SIGLEC8: variants seen among roughly 807,000 people sequenced by gnomAD.
SIGLEC8 encodes the protein sialic acid-binding Ig-like lectin 8.
A neutral mutation model predicts 42.1 loss-of-function variants in SIGLEC8; 32 were observed. The observed-to-expected ratio is 0.76, with a 90% CI of 0.57 to 1.02. The LOEUF is 1.02. SIGLEC8 is among the 50% of genes least tolerant of loss of function. SIGLEC8 has a pLI of 0.00. For missense variants in SIGLEC8, 611 were observed against 610.2 expected, an observed-to-expected ratio of 1.00 and a Z score of -0.01; for synonymous variants, 262 against 260.3, an observed-to-expected ratio of 1.01 and a Z score of -0.06.
chr19:51,453,974 G>T, intron 6 of SIGLEC8: 3 of 985,298 alleles, frequency 3.0e-6, no homozygotes, highest in Non-Finnish European at 3.6e-6. Context: ...GTGAATCGGG[G>T]CTATAGAGAA....
At chr19:51,455,372 G>C in intron 4 of SIGLEC8, 46 bp downstream of exon 4, 1 of 1,602,250 alleles carries the variant, frequency 6.2e-7, no homozygotes, top group Non-Finnish European at 8.5e-7. Context: ...TGGTCCATGA[G>C]GGTGGGGCAG....
chr19:51,456,381 T>C (rs1486248479), intron 3 of SIGLEC8, among the ~76,000 whole-genome samples: 2 of 152,196 alleles, frequency 1.3e-5, no homozygotes, highest in African/African-American at 4.8e-5. Context: ...CTTGTCCACT[T>C]TTAATTGAGA....
Position 51,452,571 on chromosome 19 carries a change from G to A in SIGLEC8, c.1308C>T (p.Ala436=), listed in dbSNP as rs771564367. Residue 436 remains alanine, a synonymous_variant, in exon 7 of 7, where the codon GCC becomes GCT. Transcript: ENST00000321424. ...NPLKKPPPAV[A]PSSGEEGELH... is the part of the protein sequence containing the mutation. ...GCTCTCCTTCCTCCCCTGACGAGGG[G>A]GCAACAGCTGGGGGAGGCTTCTTCA... 4.0e-5 allele frequency: 63 copies of A among 1,584,746 alleles called. 1 individual carries two copies. The South Asian group carries it at 4.3e-4, about 11-fold the overall frequency.
intron 3 of SIGLEC8, 82 bp from the exon 4 acceptor site, chr19:51,455,769 T>C (rs1989476467): frequency 2.4e-6 from 3 of 1,256,150 alleles, no homozygotes; most frequent in Admixed American, 2.2e-5. Flanking sequence ...TAAAGACACA[T>C]GCACATGTAT....
intron 3 of SIGLEC8, among the ~76,000 whole-genome samples, chr19:51,456,558 A>G (rs1292173615): frequency 6.6e-6 from 1 of 152,164 alleles, no homozygotes; most frequent in Non-Finnish European, 1.5e-5. Context: ...TCCTTAAGGG[A>G]TGCCACAAAG....
chr19:51,454,863 G>T lies in SIGLEC8; in HGVS notation c.1052-83C>A. Reference sequence around the variant, plus strand: ...CCCTCCCACTGTCTGCAGGGCCCTAGACTTCCATTCCCCTCTTCTCCTTCC... The same window carrying T: ...CCCTCCCACTGTCTGCAGGGCCCTATACTTCCATTCCCCTCTTCTCCTTCC... On this transcript the variant is annotated intron_variant, in intron 4 of 6. Transcript: ENST00000321424. This position sits in a 1 kb window ranked among gnomAD's most constrained non-coding sequence, Gnocchi z 4.7. 2.1e-6 allele frequency: 2 copies of T among 951,582 alleles called. No individual in the cohort carries two copies. Among genetic ancestry groups the T allele is most frequent in the Non-Finnish European group, 3.4e-6 (2 of 591,036 alleles). The allele number at this position is 951,582 out of a possible 1,614,324, so 58.9% of individuals were successfully genotyped here.
Position 51,454,441 on chromosome 19 carries a change from G to C in SIGLEC8, c.1149-126C>G. The C allele has an allele frequency of 6.5e-7, 1 of 1,540,800 alleles. No individual in the cohort carries two copies. On this transcript the variant is annotated intron_variant, in intron 5 of 6. Coordinates refer to ENST00000321424, the MANE Select transcript of SIGLEC8 (RefSeq NM_014442.3). This position sits in a 1 kb window ranked among gnomAD's most constrained non-coding sequence, Gnocchi z 4.7. The stretch of plus-strand genomic sequence containing the variant: ...ACCGAGGCGCAACGGCGGTGGTCCA[G>C]TTCCAGAGACCCCAACGGTGAAAAC...
intron 3 of SIGLEC8, among the ~76,000 whole-genome samples, chr19:51,456,921 T>A: frequency 6.6e-6 from 1 of 151,314 alleles, no homozygotes; most frequent in East Asian, 1.9e-4. Context: ...AAATTGGGAG[T>A]CTGATCCAGC....
chr19:51,454,919 A>G lies in SIGLEC8; in HGVS notation c.1052-139T>C, dbSNP rs945221465. ...ACAGAATACGAATGGGAGGGAGGAA[A>G]GGAGACTACTTCTGAGGCCAGTGAG... is the stretch of plus-strand genomic sequence containing the variant. On this transcript the variant is annotated intron_variant, in intron 4 of 6. Transcript: ENST00000321424. The surrounding 1 kb of genome is among the most constrained non-coding windows in gnomAD (Gnocchi z 4.7). The G allele has an allele frequency of 9.3e-6, 6 of 643,294 alleles. No individual in the cohort carries two copies. The highest frequency in any genetic ancestry group is 1.8e-5 in the African/African-American group (1 of 55,050). The allele number at this position is 643,294 out of a possible 1,614,324, so 39.8% of individuals were successfully genotyped here.
Position 51,455,599 on chromosome 19 carries a change from A to C in SIGLEC8, c.870T>G (p.Pro290=). The part of the protein sequence containing the change: ...RLVCAVNSNP[P]ARLSWTRGSL... ...TCCCCCGGGTCCAGCTCAGCCTGGC[A>C]GGGGGATTGCTGTTGACAGCACAGA... The change falls in exon 4 of 7, where the codon CCT becomes CCG. Residue 290 remains proline, a synonymous_variant. Transcript: ENST00000321424. 6.2e-7 allele frequency: 1 copy of C among 1,614,152 alleles called. No homozygotes were observed. The highest frequency in any genetic ancestry group is 8.5e-7 in the Non-Finnish European group (1 of 1,179,998).
chr19:51,456,684 G>A (rs1320247223), intron 3 of SIGLEC8, among the ~76,000 whole-genome samples: 1 of 152,158 alleles, frequency 6.6e-6, no homozygotes, highest in East Asian at 1.9e-4. Context: ...AAGACTCAGG[G>A]CAGCCTGGAC....
intron 4 of SIGLEC8, 105 bp downstream of exon 4, chr19:51,455,313 T>A (rs1599928568): frequency 1.4e-6 from 2 of 1,428,728 alleles, no homozygotes; most frequent in Non-Finnish European, 1.9e-6. Flanking sequence ...GCCTCACAGC[T>A]GAGCACAGAC....
chr19:51,454,479 C>T lies in SIGLEC8; in HGVS notation c.1149-164G>A, dbSNP rs915270581. Among the ~76,000 whole-genome samples, 2 of 152,170 alleles carry T rather than the reference C, an allele frequency of 1.3e-5. No individual in the cohort carries two copies. The highest frequency in any genetic ancestry group is 2.9e-5 in the Non-Finnish European group (2 of 68,026). ...CAACGGTGAAAACAGAGGCTCCTGC[C>T]TCATGGATGGTGGGGCCCGAGGTTG... On this transcript the variant is annotated intron_variant, in intron 5 of 6. Transcript: ENST00000321424. This position sits in a 1 kb window ranked among gnomAD's most constrained non-coding sequence, Gnocchi z 4.7.
Position 51,455,584 on chromosome 19 carries a change from C to G in SIGLEC8, c.885G>C (p.Trp295Cys). 6.2e-7 allele frequency: 1 copy of G among 1,614,174 alleles called. No individual in the cohort carries two copies. Among genetic ancestry groups the G allele is most frequent in the Non-Finnish European group, 8.5e-7 (1 of 1,180,026 alleles). Reference protein sequence around the residue: ...VNSNPPARLSWTRGSLTLCPS... With the variant: ...VNSNPPARLSCTRGSLTLCPS... ...GGCACAGGGTCAGGCTCCCCCGGGT[C>G]CAGCTCAGCCTGGCAGGGGGATTGC... The change falls in exon 4 of 7, where the codon TGG becomes TGC. Residue 295 changes from tryptophan to cysteine, a missense_variant. By Grantham distance (215) the Trp-to-Cys change is radical. Coordinates refer to ENST00000321424, the MANE Select transcript of SIGLEC8 (RefSeq NM_014442.3).
chr19:51,452,509 G>A lies in SIGLEC8; in HGVS notation c.1370C>T (p.Pro457Leu). The A allele has an allele frequency of 1.2e-6, 2 of 1,608,078 alleles. No homozygotes were observed. The highest frequency in any genetic ancestry group is 1.1e-5 in the South Asian group (1 of 90,810). The change falls in exon 7 of 7, where the codon CCT (proline) becomes CTT (leucine). Residue 457 changes from proline to leucine, a missense_variant. By Grantham distance (98) the Pro-to-Leu change is moderately conservative. Transcript: ENST00000321424. ...GGCCTCCTGTCCCTGCGGGTCCTGA[G>A]GCTTCACTTTATGGAAGCTGAGGGT... ...YATLSFHKVKPQDPQGQEATD... is the reference protein window; with the variant it reads ...YATLSFHKVKLQDPQGQEATD...
At position 51,457,490 on chromosome 19, in the gene SIGLEC8, G is replaced by A. The variant is rs754606428; in HGVS notation, c.704C>T (p.Thr235Met). 7.4e-6 allele frequency: 12 copies of A among 1,613,806 alleles called. No homozygotes were observed. The highest frequency in any genetic ancestry group is 5.5e-5 in the South Asian group (5 of 91,060). Residue 235 changes from threonine to methionine, a missense_variant, in exon 2 of 7, where the codon ACG becomes ATG. Coordinates refer to ENST00000321424, the MANE Select transcript of SIGLEC8 (RefSeq NM_014442.3). ...QVTLPGTGVTTTSTVRLDVSY... is the reference protein window; with the variant it reads ...QVTLPGTGVTMTSTVRLDVSY... ...CACATCGAGGCGGACGGTACTGGTC[G>A]TGGTCACACCTGTCCCAGGCAAGGT...
rs772968823 is a variant in SIGLEC8 at position 51,454,633 on chromosome 19, C to G, written c.1148+51G>C. The G allele has an allele frequency of 4.8e-6, 7 of 1,463,760 alleles. No individual in the cohort carries two copies. The South Asian group carries it at 8.0e-5, about 17-fold the overall frequency. 90.7% of individuals were successfully genotyped at this position (1,463,760 alleles called of 1,614,324 possible). On this transcript the variant is annotated intron_variant, in intron 5 of 6. Transcript: ENST00000321424. The surrounding 1 kb of genome is among the most constrained non-coding windows in gnomAD (Gnocchi z 4.7). ...GCTCTGGCTTCAGGGATTCTGTTCC[C>G]GGTCTGCCCTGCCCCAGGTCTCTCT... is the stretch of plus-strand genomic sequence containing the variant.
At position 51,457,758 on chromosome 19, in the gene SIGLEC8, C is replaced by G. The variant is rs772406381; in HGVS notation, c.455-19G>C. 21 of 1,559,646 alleles carry G rather than the reference C, an allele frequency of 1.3e-5. No individual in the cohort carries two copies. The Middle Eastern group carries it at 5.2e-4, about 39-fold the overall frequency. On this transcript the variant is annotated intron_variant, in intron 1 of 6. Transcript: ENST00000321424. ...GTCAGGGCTGGTGAAGATGGGGACA[C>G]AGGATCAGGAGGAGGTATTTCAGGT...
At chr19:51,457,832 C>T (rs956098719) in intron 1 of SIGLEC8, 93 bp from the exon 2 acceptor site, 81 of 1,544,964 alleles carry the variant, frequency 5.2e-5, no homozygotes, top group African/African-American at 2.6e-4. Flanking sequence ...CCCCGGAGAC[C>T]GACTTATTTC....
Sources: gnomAD v4.1 joint callset for allele counts (sites outside exome capture counted in the v4.1 genomes callset) on GRCh38, gnomAD v4.1.1 for gene constraint, Gnocchi (gnomAD v3.1) non-coding constraint, MANE v1.5 for transcripts, NCBI Gene and HGNC (gene_info 2026-07-23, HGNC 2026-07-21) for gene names.